MAP3K11: variants seen among roughly 807,000 people sequenced by gnomAD.
MAP3K11 encodes the protein mitogen-activated protein kinase kinase kinase 11.
Under a neutral mutation model 84.9 loss-of-function variants are expected in MAP3K11, and 46 were observed. The observed-to-expected ratio is 0.54, with a 90% CI of 0.43 to 0.69. MAP3K11 has a LOEUF of 0.69. MAP3K11 is among the 30% of genes least tolerant of loss of function. The pLI is 0.00. For synonymous variants in MAP3K11, 527 were observed against 514.7 expected (o/e 1.02, Z -0.32); for missense variants, 1,053 against 1,198.3 (o/e 0.88, Z 1.79).
chr11:65,613,223 G>A lies in MAP3K11; in HGVS notation c.534C>T (p.Ala178=), dbSNP rs1196500959. 6.3e-7 allele frequency: 1 copy of A among 1,597,496 alleles called. No individual in the cohort carries two copies. Among genetic ancestry groups the A allele is most frequent in the South Asian group, 1.1e-5 (1 of 88,712 alleles). Reference sequence around the variant, plus strand: ...GCTCCTCCAGGCACACAGCCTTGAGGGCAATGATGTTGGGGTGTGCCAGCA... The same window carrying A: ...GCTCCTCCAGGCACACAGCCTTGAGAGCAATGATGTTGGGGTGTGCCAGCA... ...FAMLAHPNII[A]LKAVCLEEPN... Residue 178 remains alanine, a synonymous_variant, in exon 1 of 10, where the codon GCC becomes GCT. Transcript: ENST00000309100.
At position 65,614,119 on chromosome 11, in the gene MAP3K11, A is replaced by C; in HGVS notation, c.-363T>G. ...TGGGGCCTTCAGGGGCAGCGCCTCA[A>C]CTCCGGTTGGGTCTTTTTGCGCAGG... On this transcript the variant is annotated 5_prime_UTR_variant, in exon 1 of 10. Coordinates refer to ENST00000309100, the MANE Select transcript of MAP3K11 (RefSeq NM_002419.4). 1.4e-5 allele frequency: 3 copies of C among 212,640 alleles called. No individual in the cohort carries two copies. Among genetic ancestry groups the C allele is most frequent in the Non-Finnish European group, 9.5e-6 (1 of 105,700 alleles). The allele number at this position is 212,640 out of a possible 1,614,324, so 13.2% of individuals were successfully genotyped here. A position where few individuals can be genotyped will look rare whatever the true frequency, so the allele number is the denominator to read the frequency against.
At chr11:65,605,607 C>G (rs1308660058) in intron 8 of MAP3K11, 154 bp downstream of exon 8, 2 of 576,960 alleles carry the variant, frequency 3.5e-6, no homozygotes, top group Non-Finnish European at 5.9e-6. Flanking sequence ...GTTCCAGGAT[C>G]GGCTCTGTCT....
chr11:65,599,386 C>T lies in MAP3K11; in HGVS notation c.2206+8G>A, dbSNP rs901923354. ...ATATGTGAAGCAGGCCGGCTTCAGG[C>T]CACTCACCGCGGGGCTCCTCCTCAC... On this transcript the variant is annotated splice_region_variant and intron_variant, in intron 9 of 9. Transcript: ENST00000309100. The T allele has an allele frequency of 2.0e-6, 3 of 1,536,440 alleles. No homozygotes were observed. The African/African-American group carries it at 4.3e-5, about 22-fold the overall frequency.
intron 1 of MAP3K11, chr11:65,609,592 T>TA (rs142183438): frequency 6.6e-6 from 1 of 152,326 alleles, no homozygotes; most frequent in East Asian, 1.9e-4. Flanking sequence ...GACAAAGTCA[T>TA]AGAGTCATGA....
Position 65,607,402 on chromosome 11 carries a change from A to G in MAP3K11, c.1357T>C (p.Phe453Leu), listed in dbSNP as rs1854523973. ...HLLAQWELEV[F>L]ERELTLLLQQ... ...AGCAGCAGCGTCAGCTCGCGCTCGA[A>G]CACCTCTAGCTCCCACTGGGCCAGC... is the stretch of plus-strand genomic sequence containing the variant. The change falls in exon 5 of 10, where the codon TTC becomes CTC. Residue 453 changes from phenylalanine (F) to leucine (L), a missense_variant. Physicochemically the swap from Phe to Leu is conservative, Grantham distance 22. Coordinates refer to ENST00000309100, the MANE Select transcript of MAP3K11 (RefSeq NM_002419.4). The G allele has an allele frequency of 3.3e-6, 5 of 1,502,174 alleles. No individual in the cohort carries two copies. Among genetic ancestry groups the G allele is most frequent in the African/African-American group, 1.4e-5 (1 of 71,010 alleles). The allele number at this position is 1,502,174 out of a possible 1,614,324, so 93.1% of individuals were successfully genotyped here.
rs1195685772 is a variant in MAP3K11 at position 65,607,435 on chromosome 11, C to T, written c.1324G>A (p.Glu442Lys). Residue 442 changes from glutamate (E) to lysine (K), a missense_variant, in exon 5 of 10, where the codon GAG becomes AAG. Glu to Lys is a moderately conservative substitution (Grantham distance 56, BLOSUM62 1). Coordinates refer to ENST00000309100, the MANE Select transcript of MAP3K11 (RefSeq NM_002419.4). ...AGCTCCCACTGGGCCAGCAGGTGCT[C>T]GCGCCGCCGCAGCTGCTCCGCCTGT... ...RSQAEQLRRR[E>K]HLLAQWELEV... The T allele has an allele frequency of 6.7e-7, 1 of 1,497,900 alleles. No individual in the cohort carries two copies. The highest frequency in any genetic ancestry group is 1.3e-5 in the South Asian group (1 of 76,302). 92.8% of individuals were successfully genotyped at this position (1,497,900 alleles called of 1,614,324 possible). A position where few individuals can be genotyped will look rare whatever the true frequency, so the allele number is the denominator to read the frequency against.
chr11:65,605,866 G>A lies in MAP3K11; in HGVS notation c.1740-14C>T, dbSNP rs373301926. On this transcript the variant is annotated splice_polypyrimidine_tract_variant and intron_variant, in intron 7 of 9. Transcript: ENST00000309100. ...CGGGACCTTCTCCTGGTGATGGGAGGGCAAGGAGGGGTGCTTTAGGAATTT... is the reference window on the plus strand; with the variant it reads ...CGGGACCTTCTCCTGGTGATGGGAGAGCAAGGAGGGGTGCTTTAGGAATTT... The A allele has an allele frequency of 2.5e-6, 4 of 1,612,854 alleles. No individual in the cohort carries two copies. The highest frequency in any genetic ancestry group is 3.4e-6 in the Non-Finnish European group (4 of 1,179,364).
chr11:65,601,085 C>G (rs1007555822), intron 8 of MAP3K11, among the ~76,000 whole-genome samples: 5 of 152,182 alleles, frequency 3.3e-5, no homozygotes, highest in Admixed American at 3.3e-4. Flanking sequence ...CTCATTCATT[C>G]AATCAACATC....
intron 1 of MAP3K11, chr11:65,611,552 T>G (rs1031669163): frequency 6.6e-6 from 1 of 151,206 alleles, no homozygotes; most frequent in Non-Finnish European, 1.5e-5. Context: ...TAGAGGGGAG[T>G]AGGGGAGCAG....
Position 65,598,469 on chromosome 11 carries a change from G to A in MAP3K11, c.2366C>T (p.Ser789Phe). 6.2e-7 allele frequency: 1 copy of A among 1,613,430 alleles called. No homozygotes were observed. Among genetic ancestry groups the A allele is most frequent in the Non-Finnish European group, 8.5e-7 (1 of 1,179,614 alleles). ...WSFVSAGPRP[S>F]PLPSPQPAPR... ...TGCAGGCTGTGGTGATGGCAGGGGA[G>A]AAGGCCGTGGCCCAGCTGACACAAA... The change falls in exon 10 of 10, where the codon TCT (serine) becomes TTT (phenylalanine). Residue 789 changes from serine to phenylalanine, a missense_variant. Physicochemically the swap from Ser to Phe is radical, Grantham distance 155 (BLOSUM62 -2). Around this residue, in one of 3 missense-constraint regions of MAP3K11, gnomAD observed 583 missense variants for 566.6 expected, o/e 1.03. Transcript: ENST00000309100.
chr11:65,606,151 G>A (rs1018088436), intron 6 of MAP3K11, 70 bp from the exon 7 acceptor site: 62 of 1,458,626 alleles, frequency 4.3e-5, no homozygotes, highest in Non-Finnish European at 5.3e-5. Context: ...AGGCTTCAGA[G>A]ATAAACTTTA....
chr11:65,604,830 G>A (rs1014761353), intron 8 of MAP3K11, among the ~76,000 whole-genome samples: 2 of 152,118 alleles, frequency 1.3e-5, no homozygotes, highest in Admixed American at 1.3e-4. Context: ...AGGTGTGGGG[G>A]CTCTGAGGAT....
intron 8 of MAP3K11, among the ~76,000 whole-genome samples, chr11:65,601,753 C>T (rs1854458041): frequency 1.6e-5 from 2 of 124,908 alleles, no homozygotes; most frequent in Admixed American, 1.5e-4. Context: ...GAGACTCCGT[C>T]TCAAAAAAAA....
chr11:65,604,726 CTGGGTGG>C (rs1329177288), intron 8 of MAP3K11, among the ~76,000 whole-genome samples: 2 of 147,772 alleles, frequency 1.4e-5, no homozygotes, highest in African/African-American at 4.9e-5. Context: ...AGGCGATGGG[CTGGGTGG>C]GATGGGAGGA....
At chr11:65,610,484 T>A (rs1854560432) in intron 1 of MAP3K11, 1 of 152,296 alleles carries the variant, frequency 6.6e-6, no homozygotes, top group African/African-American at 2.4e-5. Flanking sequence ...CCCTCCTCTG[T>A]CACTCCTTAC....
At chr11:65,608,181 T>C (rs61893791) in intron 2 of MAP3K11, 87 bp downstream of exon 2, 1 of 1,591,250 alleles carries the variant, frequency 6.3e-7, no homozygotes, top group African/African-American at 1.3e-5. Flanking sequence ...TCCCTGTCCC[T>C]GGACTTGGCC....
chr11:65,607,164 C>T, intron 5 of MAP3K11, 106 bp downstream of exon 5: 1 of 1,351,090 alleles, frequency 7.4e-7, no homozygotes, highest in Non-Finnish European at 9.5e-7. Context: ...CTCACGGGCC[C>T]ACCCACAACA....
At chr11:65,606,564 T>G in intron 6 of MAP3K11, 127 bp downstream of exon 6, 1 of 665,368 alleles carries the variant, frequency 1.5e-6, no homozygotes, top group Non-Finnish European at 2.6e-6. Flanking sequence ...AGGCTAGACC[T>G]AAGGCAGGGA....
At chr11:65,600,475 C>T (rs755958945) in intron 8 of MAP3K11, among the ~76,000 whole-genome samples, 34 of 152,172 alleles carry the variant, frequency 2.2e-4, no homozygotes, top group Non-Finnish European at 4.7e-4. Flanking sequence ...AGCTGTACAG[C>T]CAGTGAAAGG....
Sources: allele counts gnomAD v4.1 joint callset (sites outside exome capture counted in the v4.1 genomes callset), GRCh38; gene constraint gnomAD v4.1.1; regional missense constraint gnomAD v4.1.1; transcripts MANE v1.5; gene names NCBI Gene and HGNC (gene_info 2026-07-23, HGNC 2026-07-21).